ZFPM1: variants seen among roughly 807,000 people sequenced by gnomAD.
ZFPM1 encodes the protein zinc finger protein ZFPM1.
Under a neutral mutation model 46.3 loss-of-function variants are expected in ZFPM1, and 28 were observed. The observed-to-expected ratio is 0.60, with a 90% CI of 0.45 to 0.83. The LOEUF (loss-of-function observed/expected upper bound fraction) is 0.83. Ranked by LOEUF, ZFPM1 falls within the 40% of genes least tolerant of loss-of-function variation. The pLI is 0.00. For synonymous variants in ZFPM1, 957 were observed against 675.9 expected, an observed-to-expected ratio of 1.42 and a Z score of -6.45; for missense variants, 1,878 against 1,432.4, an observed-to-expected ratio of 1.31 and a Z score of -5.02.
In ZFPM1 at chr16:88,527,941, G is replaced by T. The variant is rs577028732; in HGVS notation, c.506-91G>T. The T allele has an allele frequency of 4.6e-6, 6 of 1,308,202 alleles. No individual in the cohort carries two copies. In the East Asian group the frequency reaches 1.4e-4, roughly 30 times the overall value. The allele number at this position is 1,308,202 out of a possible 1,614,324, so 81.0% of individuals were successfully genotyped here. On this transcript the variant is annotated intron_variant, in intron 5 of 9. Coordinates refer to ENST00000319555, the MANE Select transcript of ZFPM1 (RefSeq NM_153813.3). ...GCCATGGCTGTGAACCCGGGTGGCC[G>T]CTCTCCTGACCCCATCCTCTGCCCC...
chr16:88,520,139 G>A (rs561945764), intron 4 of ZFPM1, among the ~76,000 whole-genome samples: 6 of 150,410 alleles, frequency 4.0e-5, no homozygotes, highest in Admixed American at 4.0e-4. Flanking sequence ...GAAGGTGGAT[G>A]GATGGATGAC....
At chr16:88,488,543 C>T (rs959332493) in intron 2 of ZFPM1, among the ~76,000 whole-genome samples, 8 of 150,354 alleles carry the variant, frequency 5.3e-5, no homozygotes, top group East Asian at 2.0e-4. Context: ...GCCCTTATCG[C>T]GGGTATTAAT....
intron 3 of ZFPM1, among the ~76,000 whole-genome samples, chr16:88,498,809 T>C (rs1232951531): frequency 6.6e-6 from 1 of 152,178 alleles, no homozygotes; most frequent in Non-Finnish European, 1.5e-5. Flanking sequence ...GGAAACTGAG[T>C]TCAGAGGTCG....
At chr16:88,506,773 C>T (rs1910684961) in intron 3 of ZFPM1, among the ~76,000 whole-genome samples, 1 of 152,190 alleles carries the variant, frequency 6.6e-6, no homozygotes, top group Admixed American at 6.5e-5. Flanking sequence ...TGGGGGGACC[C>T]AGGAGGAGGC....
chr16:88,502,600 A>G (rs1910429528), intron 3 of ZFPM1, among the ~76,000 whole-genome samples: 1 of 152,170 alleles, frequency 6.6e-6, no homozygotes, highest in Non-Finnish European at 1.5e-5. Flanking sequence ...TGCTGGAGGC[A>G]GTGGCCTTGG....
intron 6 of ZFPM1, among the ~76,000 whole-genome samples, chr16:88,531,684 G>A (rs924272262): frequency 1.3e-5 from 2 of 152,220 alleles, no homozygotes; most frequent in Admixed American, 1.3e-4. Flanking sequence ...GCCTCACCTG[G>A]CGGTGTCCAC....
intron 4 of ZFPM1, among the ~76,000 whole-genome samples, chr16:88,522,679 C>T (rs1013595530): frequency 2.6e-5 from 4 of 152,180 alleles, no homozygotes; most frequent in East Asian, 3.9e-4. Flanking sequence ...CAGGTCCGCC[C>T]GGGGAATTTA....
At position 88,489,189 on chromosome 16, in the gene ZFPM1, T is replaced by A. The variant is rs751328251; in HGVS notation, c.268+36T>A. 39 of 1,557,124 alleles carry A rather than the reference T, an allele frequency of 2.5e-5. No individual in the cohort carries two copies. The South Asian group carries it at 4.4e-4, about 18-fold the overall frequency. Reference sequence around the variant, plus strand: ...GGGTGGTGGGGGCAGCAGCATCGCCTCCCGGGCAGCCTGGCCCGGCCCCTG... The same window carrying A: ...GGGTGGTGGGGGCAGCAGCATCGCCACCCGGGCAGCCTGGCCCGGCCCCTG... On this transcript the variant is annotated intron_variant, in intron 3 of 9. Transcript: ENST00000319555.
Position 88,534,338 on chromosome 16 carries a change from C to CT in ZFPM1, c.2380_2381insT (p.Pro794LeufsTer283). ...CTCGCCCGGCCCCGCGGCCGACGGC[C>CT]CCATCGACCTGAGCAAGAAGCCGCG... On this transcript the variant is annotated frameshift_variant, in exon 10 of 10. Coordinates refer to ENST00000319555, the MANE Select transcript of ZFPM1 (RefSeq NM_153813.3). LOFTEE classifies it low-confidence loss of function (END_TRUNC). The CT allele has an allele frequency of 7.3e-7, 1 of 1,378,870 alleles. No individual in the cohort carries two copies. Among genetic ancestry groups the CT allele is most frequent in the Non-Finnish European group, 9.4e-7 (1 of 1,067,678 alleles). 85.4% of individuals were successfully genotyped at this position (1,378,870 alleles called of 1,614,324 possible).
At chr16:88,494,835 G>A (rs185625790) in intron 3 of ZFPM1, among the ~76,000 whole-genome samples, 44 of 152,294 alleles carry the variant, frequency 2.9e-4, no homozygotes, top group Admixed American at 1.5e-3. Flanking sequence ...AAGGGACCTC[G>A]GGTGGAGGCC....
At chr16:88,485,312 T>C (rs1248550592) in intron 1 of ZFPM1, among the ~76,000 whole-genome samples, 1 of 152,108 alleles carries the variant, frequency 6.6e-6, no homozygotes, top group East Asian at 1.9e-4. Flanking sequence ...CCGCGGCCCT[T>C]CTCTGGCAAG....
chr16:88,518,297 C>T (rs1911490213), intron 4 of ZFPM1, among the ~76,000 whole-genome samples: 1 of 149,136 alleles, frequency 6.7e-6, no homozygotes, highest in South Asian at 2.1e-4. Context: ...GGGAGGATAA[C>T]CAGGTGGATG....
rs554425240 is a variant in ZFPM1 at position 88,453,742 on chromosome 16, G to GCGCCGCCCC, written c.40+69_40+77dup. ...GACCCCCGCCGGAGCCCAGCCGCCAGCGCCGCCCCCGCCCGTCCCCGCTCT... is the reference window on the plus strand; with the variant it reads ...GACCCCCGCCGGAGCCCAGCCGCCAGCGCCGCCCCCGCCGCCCCCGCCCGTCCCCGCTCT... On this transcript the variant is annotated intron_variant, in intron 1 of 9. Transcript: ENST00000319555. The GCGCCGCCCC allele has an allele frequency of 1.6e-3, 1,611 of 1,027,818 alleles. 24 individuals carry two copies. In the African/African-American group the frequency reaches 0.026, roughly 16 times the overall value. 63.7% of individuals were successfully genotyped at this position (1,027,818 alleles called of 1,614,324 possible). A position where few individuals can be genotyped will look rare whatever the true frequency, so the allele number is the denominator to read the frequency against.
In ZFPM1 at chr16:88,463,347, C is replaced by T. The variant is rs139145325; in HGVS notation, c.40+9669C>T. On this transcript the variant is annotated intron_variant, in intron 1 of 9. Transcript: ENST00000319555. ...CTCTTGGGGTTCCTCTGGCAGCAGG[C>T]GCCCAGACCCTCGTGATGGGAGGGG... 2.0e-3 allele frequency among the ~76,000 whole-genome samples: 300 copies of T among 152,326 alleles called. 3 individuals are homozygous for T. Among genetic ancestry groups the T allele is most frequent in the African/African-American group, 6.9e-3 (286 of 41,560 alleles).
chr16:88,520,731 AGATG>A (rs1371582828), intron 4 of ZFPM1, among the ~76,000 whole-genome samples: 4 of 32,866 alleles, frequency 1.2e-4, no homozygotes, highest in African/African-American at 1.3e-4. Context: ...ATGGGTGGGT[AGATG>A]GATGGATGGA....
chr16:88,453,752 C>T, intron 1 of ZFPM1, 74 bp downstream of exon 1: 2 of 925,960 alleles, frequency 2.2e-6, no homozygotes, highest in Non-Finnish European at 2.7e-6. Context: ...GCGCCGCCCC[C>T]GCCCGTCCCC....
At chr16:88,511,829 C>T (rs1477737951) in intron 3 of ZFPM1, among the ~76,000 whole-genome samples, 1 of 152,214 alleles carries the variant, frequency 6.6e-6, no homozygotes, top group Non-Finnish European at 1.5e-5. Flanking sequence ...CAGGCACCTG[C>T]ATCCACCCCC....
chr16:88,488,084 G>C (rs1338995506), intron 2 of ZFPM1, among the ~76,000 whole-genome samples: 1 of 152,210 alleles, frequency 6.6e-6, no homozygotes, highest in Non-Finnish European at 1.5e-5. Flanking sequence ...GTGGCTGGGG[G>C]GAGAGAGCAC....
In ZFPM1 at chr16:88,532,827, G is replaced by A. The variant is rs774520153; in HGVS notation, c.1081G>A (p.Asp361Asn). 1 of 1,613,398 alleles carries A rather than the reference G, an allele frequency of 6.2e-7. No individual in the cohort carries two copies. Among genetic ancestry groups the A allele is most frequent in the African/African-American group, 1.3e-5 (1 of 75,034 alleles). ...HSCGFISTTR[D>N]ILYSHLVTNH... ...CTGTGGCTTCATCTCCACCACAAGG[G>A]ACATCCTCTACAGCCACTTGGTCAC... The change falls in exon 9 of 10, where the codon GAC becomes AAC. Residue 361 changes from aspartate to asparagine, a missense_variant. By Grantham distance (23) the Asp-to-Asn change is conservative. Transcript: ENST00000319555.
Sources: allele counts gnomAD v4.1 joint callset (sites outside exome capture counted in the v4.1 genomes callset), GRCh38; gene constraint gnomAD v4.1.1; transcripts MANE v1.5; gene names NCBI Gene and HGNC (gene_info 2026-07-23, HGNC 2026-07-21).